PRR11: variants seen among roughly 807,000 people sequenced by gnomAD.
The protein encoded by PRR11 is proline-rich protein 11.
A neutral mutation model predicts 45.6 loss-of-function variants in PRR11; 30 were observed. The observed-to-expected ratio is 0.66, with a 90% confidence interval of 0.49 to 0.89. The LOEUF is 0.89. Among genes scored for constraint, PRR11 ranks in the 40% least tolerant of loss-of-function variants. The pLI, the probability that PRR11 is intolerant of heterozygous loss-of-function variation, is 0.00. For synonymous variants in PRR11, 128 were observed against 153.5 expected, an observed-to-expected ratio of 0.83 and a Z score of 1.23; for missense variants, 373 against 424.8, an observed-to-expected ratio of 0.88 and a Z score of 1.07.
intron 7 of PRR11, among the ~76,000 whole-genome samples, chr17:59,196,714 A>G (rs1447998218): frequency 6.6e-6 from 1 of 151,942 alleles, no homozygotes; most frequent in African/African-American, 2.4e-5. Flanking sequence ...TCTTCAGTGG[A>G]CATCCTTGCC....
Position 59,194,860 on chromosome 17 carries a change from G to A in PRR11, c.744+5G>A. 2 of 1,605,208 alleles carry A rather than the reference G, an allele frequency of 1.2e-6. No homozygotes were observed. The highest frequency in any genetic ancestry group is 1.7e-6 in the Non-Finnish European group (2 of 1,172,348). The stretch of plus-strand genomic sequence containing the variant: ...AGTTTAGATGAAAAGAGGAAGGTAA[G>A]ATGTCATTGACCACATACATGCTCT... On this transcript the variant is annotated splice_donor_5th_base_variant and intron_variant, in intron 6 of 9. Transcript: ENST00000262293.
chr17:59,156,684 G>A (rs1001319517), intron 1 of PRR11, among the ~76,000 whole-genome samples: 11 of 148,914 alleles, frequency 7.4e-5, no homozygotes, highest in African/African-American at 2.7e-4. Flanking sequence ...TTTTTGTGAC[G>A]GAGTCTCGCT....
At chr17:59,161,075 GA>G (rs1398975792) in intron 1 of PRR11, among the ~76,000 whole-genome samples, 2 of 151,884 alleles carry the variant, frequency 1.3e-5, no homozygotes, top group Non-Finnish European at 2.9e-5. Context: ...TGATTTTTCA[GA>G]TTATTTGAGA....
At chr17:59,177,335 T>C in intron 2 of PRR11, 1 of 539,118 alleles carries the variant, frequency 1.9e-6, no homozygotes, top group East Asian at 5.2e-5. Flanking sequence ...AATGGGGGTC[T>C]AGGGAGGGTT....
chr17:59,197,098 C>T (rs1479879255), intron 7 of PRR11, among the ~76,000 whole-genome samples: 2 of 152,102 alleles, frequency 1.3e-5, no homozygotes, highest in Non-Finnish European at 2.9e-5. Flanking sequence ...CCATCTGCCT[C>T]GGCCTCCTAA....
At chr17:59,198,397 C>T (rs928492580) in intron 9 of PRR11, among the ~76,000 whole-genome samples, 2 of 151,682 alleles carry the variant, frequency 1.3e-5, no homozygotes, top group African/African-American at 2.4e-5. Context: ...CAAAAATGGC[C>T]GGGCACGGTG....
intron 2 of PRR11, chr17:59,179,718 T>G: frequency 7.0e-7 from 1 of 1,428,900 alleles, no homozygotes; most frequent in South Asian, 1.1e-5. Flanking sequence ...TTCAGCTTCA[T>G]CTTGAGCCCA....
intron 2 of PRR11, among the ~76,000 whole-genome samples, chr17:59,180,769 G>A (rs1297718017): frequency 6.6e-6 from 1 of 151,418 alleles, no homozygotes; most frequent in Non-Finnish European, 1.5e-5. Flanking sequence ...GCCTCCCAAA[G>A]TGCTGGGATT....
intron 2 of PRR11, 99 bp downstream of exon 2, chr17:59,169,979 G>A: frequency 2.8e-6 from 4 of 1,409,602 alleles, no homozygotes; most frequent in South Asian, 3.1e-5. Context: ...CAGGCCGGGT[G>A]CAGTCATTCA....
rs912879744 is a variant in PRR11 at position 59,205,964 on chromosome 17, T to TCA, written c.*4335_*4336dup. ...TTCTCAGAAGACTGAGGCGTGAGAATCACTTGAACGATGGAAGTGGAGGTT... is the reference window on the plus strand; with the variant it reads ...TTCTCAGAAGACTGAGGCGTGAGAATCACACTTGAACGATGGAAGTGGAGGTT... On this transcript the variant is annotated 3_prime_UTR_variant, in exon 10 of 10. Coordinates refer to ENST00000262293, the MANE Select transcript of PRR11 (RefSeq NM_018304.4). Among the ~76,000 whole-genome samples, 24 of 151,762 alleles carry TCA rather than the reference T, an allele frequency of 1.6e-4. No individual in the cohort carries two copies. The highest frequency in any genetic ancestry group is 5.6e-4 in the African/African-American group (23 of 41,298).
chr17:59,191,290 C>T (rs1382176763), intron 4 of PRR11, among the ~76,000 whole-genome samples: 1 of 148,876 alleles, frequency 6.7e-6, no homozygotes, highest in African/African-American at 2.5e-5. Context: ...GCAATCTCAG[C>T]TCACTGCAGC....
chr17:59,176,675 T>C (rs1359506848), intron 2 of PRR11, among the ~76,000 whole-genome samples: 2 of 137,752 alleles, frequency 1.5e-5, no homozygotes, highest in Non-Finnish European at 1.5e-5. Flanking sequence ...TGGAATTTGG[T>C]TTTTTTGGCT....
At chr17:59,166,788 T>C (rs2046682067) in intron 1 of PRR11, among the ~76,000 whole-genome samples, 1 of 152,208 alleles carries the variant, frequency 6.6e-6, no homozygotes, top group African/African-American at 2.4e-5. Flanking sequence ...TTTAGACAGA[T>C]CCTAATTTGC....
At chr17:59,162,265 G>A in intron 1 of PRR11, among the ~76,000 whole-genome samples, 1 of 151,830 alleles carries the variant, frequency 6.6e-6, no homozygotes, top group East Asian at 1.9e-4. Context: ...GAGAGAGAGA[G>A]AGAGAAAGAA....
chr17:59,205,851 G>C lies in PRR11; in HGVS notation c.*4220G>C, dbSNP rs1437251650. Among the ~76,000 whole-genome samples, 1 of 151,570 alleles carries C rather than the reference G, an allele frequency of 6.6e-6. No homozygotes were observed. The highest frequency in any genetic ancestry group is 1.9e-4 in the East Asian group (1 of 5,168). On this transcript the variant is annotated 3_prime_UTR_variant, in exon 10 of 10. Coordinates refer to ENST00000262293, the MANE Select transcript of PRR11 (RefSeq NM_018304.4). ...ACTTGAGGTCAGGAGTTTGAGACCA[G>C]CCTGGCCAACATGGTGAAACCCCGT... is the stretch of plus-strand genomic sequence containing the variant.
At chr17:59,179,498 T>C (rs548377158) in intron 2 of PRR11, among the ~76,000 whole-genome samples, 1 of 152,296 alleles carries the variant, frequency 6.6e-6, no homozygotes, top group East Asian at 1.9e-4. Context: ...ATCTCCTAAG[T>C]GTCCCTCATG....
chr17:59,168,827 G>T (rs1693072979), intron 1 of PRR11, among the ~76,000 whole-genome samples: 1 of 152,164 alleles, frequency 6.6e-6, no homozygotes, highest in South Asian at 2.1e-4. Flanking sequence ...AAGACTTACA[G>T]GTTTGGACTT....
At chr17:59,172,267 G>T (rs1309551294) in intron 2 of PRR11, among the ~76,000 whole-genome samples, 1 of 152,236 alleles carries the variant, frequency 6.6e-6, no homozygotes, top group Non-Finnish European at 1.5e-5. Context: ...GAATTCAGCG[G>T]TATAAAAATA....
At chr17:59,197,650 T>G (rs1166103210) in intron 8 of PRR11, 43 bp from the exon 9 acceptor site, 1 of 1,611,166 alleles carries the variant, frequency 6.2e-7, no homozygotes, top group Admixed American at 1.7e-5. Context: ...ATTTTAAAAG[T>G]TGCCATAAAA....
Sources: allele counts gnomAD v4.1 joint callset (sites outside exome capture counted in the v4.1 genomes callset), GRCh38; gene constraint gnomAD v4.1.1; transcripts MANE v1.5; gene names NCBI Gene and HGNC (gene_info 2026-07-23, HGNC 2026-07-21).